Variants in TJP1 observed in about 807,000 individuals in gnomAD.
TJP1 encodes tight junction protein 1.
Under a neutral mutation model 194.2 loss-of-function variants are expected in TJP1, and 43 were observed. The ratio of observed to expected loss-of-function variants is 0.22; its 90% CI spans 0.17 to 0.29. The LOEUF (loss-of-function observed/expected upper bound fraction) is 0.29, where lower values mean the gene tolerates loss of function less well. Among genes scored for constraint, TJP1 ranks in the 10% least tolerant of loss-of-function variants. The probability of loss-of-function intolerance (pLI) is 1.00; values close to 1 mark genes in which losing one functional copy is unlikely to be tolerated. For missense variants in TJP1, 1,971 were observed against 2,185.7 expected, an observed-to-expected ratio of 0.90 and a Z score of 1.96; for synonymous variants, 801 against 779.0, an observed-to-expected ratio of 1.03 and a Z score of -0.47.
At chr15:29,801,752 C>T (rs1237147542) in intron 1 of TJP1, among the ~76,000 whole-genome samples, 2 of 152,138 alleles carry the variant, frequency 1.3e-5, no homozygotes, top group Middle Eastern at 3.4e-3. Context: ...TGAGCCACCG[C>T]GCCCGGCCGA....
At position 29,705,522 on chromosome 15, in the gene TJP1, A is replaced by G; in HGVS notation, c.5068+6T>C. ...CAAAACTAAGGAGAAAAATAAACAC[A>G]TTTACCTTTCTCTTTATCTAAAGGT... is the stretch of plus-strand genomic sequence containing the variant. On this transcript the variant is annotated splice_donor_region_variant and intron_variant, in intron 26 of 27. Transcript: ENST00000614355. The G allele has an allele frequency of 1.9e-6, 3 of 1,613,714 alleles. No homozygotes were observed. The highest frequency in any genetic ancestry group is 2.5e-6 in the Non-Finnish European group (3 of 1,179,708).
intron 2 of TJP1, among the ~76,000 whole-genome samples, chr15:29,782,487 G>T (rs970447771): frequency 2.0e-5 from 3 of 152,170 alleles, no homozygotes; most frequent in African/African-American, 4.8e-5. Context: ...TAACTGGCTA[G>T]CCATATGCAG....
At chr15:29,879,230 G>C (rs1308718549) in intron 2 of TJP1, among the ~76,000 whole-genome samples, 1 of 152,230 alleles carries the variant, frequency 6.6e-6, no homozygotes, top group East Asian at 1.9e-4. Context: ...ATAGGCTAAA[G>C]AGAGGATCAA....
chr15:29,747,996 T>G (rs923358836), intron 8 of TJP1, among the ~76,000 whole-genome samples: 2 of 152,208 alleles, frequency 1.3e-5, no homozygotes, highest in Non-Finnish European at 2.9e-5. Flanking sequence ...CAATTAATAT[T>G]TGAAATATTA....
intron 2 of TJP1, among the ~76,000 whole-genome samples, chr15:29,792,658 C>G (rs990848924): frequency 2.0e-5 from 3 of 152,132 alleles, no homozygotes; most frequent in African/African-American, 7.2e-5. Flanking sequence ...GGTGTTTTGA[C>G]AAGGGTTGCA....
chr15:29,822,546 C>CGGGGAGGGGGCGGGGCCGCGGCG (rs778478313), upstream of TJP1: 51 of 542,344 alleles, frequency 9.4e-5, no homozygotes, highest in Middle Eastern at 9.4e-4. Context: ...CGAGGCGAGG[C>CGGGGAGGGGGCGGGGCCGCGGCG]GGGGAGGGGG....
intron 1 of TJP1, among the ~76,000 whole-genome samples, chr15:29,802,971 T>C (rs1412955822): frequency 6.6e-6 from 1 of 152,202 alleles, no homozygotes; most frequent in African/African-American, 2.4e-5. Context: ...TGTAAGAAGA[T>C]GTTAATCAAA....
At chr15:29,822,738 A>G (rs2050507701), upstream of TJP1, 1 of 153,278 alleles carries the variant, frequency 6.5e-6, no homozygotes, top group East Asian at 1.9e-4. Flanking sequence ...CCTGTGCACC[A>G]AAGCTTTCCT....
At chr15:29,786,248 A>G (rs899664929) in intron 2 of TJP1, among the ~76,000 whole-genome samples, 1 of 152,092 alleles carries the variant, frequency 6.6e-6, no homozygotes, top group Non-Finnish European at 1.5e-5. Flanking sequence ...TACCCAAATC[A>G]TAGTTTTCAT....
intron 2 of TJP1, among the ~76,000 whole-genome samples, chr15:29,905,824 G>C (rs2053789588): frequency 6.6e-6 from 1 of 152,164 alleles, no homozygotes; most frequent in Admixed American, 6.5e-5. Flanking sequence ...CAAAAACTGT[G>C]ACTGTGAAGA....
chr15:29,900,888 C>A lies in TJP1; in HGVS notation c.306+55344G>T, dbSNP rs1452279437. On this transcript the variant is annotated intron_variant, in intron 2 of 28. Transcript: ENST00000356107. ...AGACAAAGAATCATCCTTTATAGTA[C>A]AAGCTTCCCCAGCAGCCACAGAAAT... Among the ~76,000 whole-genome samples, 6 of 152,208 alleles carry A rather than the reference C, an allele frequency of 3.9e-5. No homozygotes were observed. In the South Asian group the frequency reaches 1.2e-3, roughly 32 times the overall value.
chr15:29,870,397 T>C (rs2052471150), intron 2 of TJP1, among the ~76,000 whole-genome samples: 1 of 152,198 alleles, frequency 6.6e-6, no homozygotes, highest in Non-Finnish European at 1.5e-5. Context: ...TTATATTAAG[T>C]ATGCAAAATT....
chr15:29,857,319 T>TCC (rs2051896544), intron 2 of TJP1, among the ~76,000 whole-genome samples: 1 of 151,844 alleles, frequency 6.6e-6, no homozygotes, highest in Non-Finnish European at 1.5e-5. Flanking sequence ...GATGTTTCTA[T>TCC]TTACATATCT....
chr15:29,904,147 G>A (rs2053727827), intron 2 of TJP1, among the ~76,000 whole-genome samples: 1 of 152,158 alleles, frequency 6.6e-6, no homozygotes, highest in Admixed American at 6.5e-5. Context: ...GGTAGCAAAA[G>A]GGTGGCGGGT....
intron 12 of TJP1, among the ~76,000 whole-genome samples, chr15:29,733,848 G>A (rs567503692): frequency 3.3e-5 from 5 of 152,296 alleles, no homozygotes; most frequent in African/African-American, 1.2e-4. Context: ...CCAAGGCTGA[G>A]AAACCTGGCT....
At chr15:29,910,054 A>G (rs61156292) in intron 2 of TJP1, among the ~76,000 whole-genome samples, 2,130 of 152,314 alleles carry the variant, frequency 0.014, 52 homozygotes, top group African/African-American at 0.048. Flanking sequence ...AGGCAACGTG[A>G]TATTTGTTTA....
rs41280058 is a variant in TJP1, at chr15:29,761,266, G to C, written c.883C>G (p.Leu295Val). The change falls in exon 8 of 28, where the codon CTG becomes GTG. Residue 295 changes from leucine to valine, a missense_variant. Leu to Val is a conservative substitution (Grantham distance 32). Transcript: ENST00000614355. ...ERDDISEIQS[L>V]ASDHSGRSHD... is the part of the protein sequence containing the mutation. Reference sequence around the variant, plus strand: ...GATCGACCAGAATGATCTGATGCCAGTGACTGAATTTCTGAAATGTCTGTT... The same window carrying C: ...GATCGACCAGAATGATCTGATGCCACTGACTGAATTTCTGAAATGTCTGTT... 3 of 1,613,726 alleles carry C rather than the reference G, an allele frequency of 1.9e-6. No individual in the cohort carries two copies. Among genetic ancestry groups the C allele is most frequent in the Non-Finnish European group, 2.5e-6 (3 of 1,179,924 alleles).
At chr15:29,902,898 G>A (rs941022664) in intron 2 of TJP1, among the ~76,000 whole-genome samples, 1 of 152,156 alleles carries the variant, frequency 6.6e-6, no homozygotes, top group Non-Finnish European at 1.5e-5. Flanking sequence ...GCCAGGCGTG[G>A]CGGCGGGCGC....
chr15:29,807,252 TAAG>T (rs1446262981), intron 1 of TJP1, among the ~76,000 whole-genome samples: 2 of 152,160 alleles, frequency 1.3e-5, no homozygotes, highest in Non-Finnish European at 2.9e-5. Context: ...CTAAAAACAT[TAAG>T]TTCACAGATA....
Sources: gnomAD v4.1 joint callset for allele counts (sites outside exome capture counted in the v4.1 genomes callset) on GRCh38, gnomAD v4.1.1 for gene constraint, MANE v1.5 for transcripts, NCBI Gene and HGNC (gene_info 2026-07-23, HGNC 2026-07-21) for gene names.